Variants in MSRA observed in about 807,000 individuals in gnomAD.
MSRA encodes the protein mitochondrial peptide methionine sulfoxide reductase.
Under a neutral mutation model 31.3 loss-of-function variants are expected in MSRA, and 54 were observed. The ratio of observed to expected loss-of-function variants is 1.73; its 90% CI spans 1.39 to 2.17. The LOEUF (loss-of-function observed/expected upper bound fraction) is 2.17. MSRA is among the 30% of genes most tolerant of loss of function. MSRA has a pLI of 0.00. For missense variants in MSRA, 507 were observed against 300.9 expected, an observed-to-expected ratio of 1.69 and a Z score of -5.07; for synonymous variants, 169 against 116.5, an observed-to-expected ratio of 1.45 and a Z score of -2.90.
intron 2 of MSRA, among the ~76,000 whole-genome samples, chr8:10,212,641 G>C (rs965742869): frequency 2.0e-5 from 3 of 152,180 alleles, no homozygotes; most frequent in Non-Finnish European, 4.4e-5. Flanking sequence ...TGAGGGAATT[G>C]ATCTGATTTT....
chr8:10,283,868 C>CACACACACACACACAT (rs1479551088), intron 3 of MSRA, among the ~76,000 whole-genome samples: 2 of 132,062 alleles, frequency 1.5e-5, no homozygotes, highest in Admixed American at 1.6e-4. Context: ...CACACACACA[C>CACACACACACACACAT]ATATATATTA....
At chr8:10,250,482 C>G (rs968009521) in intron 3 of MSRA, 4 of 702,140 alleles carry the variant, frequency 5.7e-6, no homozygotes, top group Admixed American at 2.0e-5. Context: ...ATCTGCACAG[C>G]CAAGTGGCAC....
intron 5 of MSRA, among the ~76,000 whole-genome samples, chr8:10,393,850 T>G (rs1806920562): frequency 1.3e-5 from 2 of 152,224 alleles, no homozygotes; most frequent in Non-Finnish European, 2.9e-5. Context: ...ACCTACATGG[T>G]CACTATTCAG....
intron 1 of MSRA, among the ~76,000 whole-genome samples, chr8:10,088,867 G>A (rs913698491): frequency 9.9e-5 from 15 of 152,210 alleles, no homozygotes; most frequent in African/African-American, 3.6e-4. Flanking sequence ...TATGCTAAGT[G>A]AAATGTGCAG....
intron 1 of MSRA, among the ~76,000 whole-genome samples, chr8:10,109,332 C>T (rs184966582): frequency 6.7e-6 from 1 of 148,784 alleles, no homozygotes; most frequent in Non-Finnish European, 1.5e-5. Flanking sequence ...TTTTACTTTT[C>T]TTTTCTTTTC....
At chr8:10,058,289 A>C (rs1802507915) in intron 1 of MSRA, among the ~76,000 whole-genome samples, 1 of 152,230 alleles carries the variant, frequency 6.6e-6, no homozygotes. Context: ...TTTGTAAACA[A>C]TGAGGTAGTC....
intron 2 of MSRA, among the ~76,000 whole-genome samples, chr8:10,239,882 C>A (rs967996818): frequency 7.0e-6 from 1 of 142,854 alleles, no homozygotes; most frequent in Admixed American, 7.0e-5. Flanking sequence ...GATTCAGTGT[C>A]CTGGAGTCCG....
intron 5 of MSRA, among the ~76,000 whole-genome samples, chr8:10,402,719 T>A (rs947451065): frequency 6.6e-6 from 1 of 152,216 alleles, no homozygotes. Flanking sequence ...GAAGGTTTAG[T>A]TGCAGATGGC....
chr8:10,288,422 C>T (rs1404696936), intron 3 of MSRA, among the ~76,000 whole-genome samples: 1 of 152,182 alleles, frequency 6.6e-6, no homozygotes, highest in Non-Finnish European at 1.5e-5. Context: ...TGGTTTGGTG[C>T]TGTGCAGATA....
At chr8:10,296,902 C>T (rs1800574330) in intron 3 of MSRA, among the ~76,000 whole-genome samples, 1 of 152,208 alleles carries the variant, frequency 6.6e-6, no homozygotes, top group Non-Finnish European at 1.5e-5. Flanking sequence ...CACCACAGCT[C>T]ACCGGCTCTC....
chr8:10,406,713 C>G (rs2129186515), intron 5 of MSRA, among the ~76,000 whole-genome samples: 1 of 152,338 alleles, frequency 6.6e-6, no homozygotes, highest in East Asian at 1.9e-4. Flanking sequence ...ATCTCCCCTG[C>G]TCTGTGCTTG....
chr8:10,136,310 G>T (rs1449107822), intron 1 of MSRA, among the ~76,000 whole-genome samples: 1 of 152,094 alleles, frequency 6.6e-6, no homozygotes, highest in Non-Finnish European at 1.5e-5. Context: ...CGGACTTCTG[G>T]GGAGAAAGGG....
At chr8:10,317,220 C>G (rs543061817) in intron 4 of MSRA, among the ~76,000 whole-genome samples, 61 of 152,290 alleles carry the variant, frequency 4.0e-4, no homozygotes, top group African/African-American at 1.4e-3. Flanking sequence ...CAGCCGGTAA[C>G]TCCTGGGACC....
chr8:10,317,627 C>A (rs7835507), intron 4 of MSRA, among the ~76,000 whole-genome samples: 23,605 of 152,166 alleles, frequency 0.16, 2,226 homozygotes, highest in African/African-American at 0.26. Flanking sequence ...ACTATGGAAG[C>A]ATTTTAAGCA....
At chr8:10,390,755 G>C (rs751069003) in intron 5 of MSRA, among the ~76,000 whole-genome samples, 17 of 152,108 alleles carry the variant, frequency 1.1e-4, no homozygotes, top group Non-Finnish European at 2.4e-4. Context: ...CAAAGGCGAA[G>C]ACATTAAGGA....
intron 1 of MSRA, among the ~76,000 whole-genome samples, chr8:10,188,918 G>T (rs917703217): frequency 4.6e-5 from 7 of 152,152 alleles, no homozygotes; most frequent in Admixed American, 1.3e-4. Context: ...CCTTTCTGAG[G>T]TTTCCATCAG....
In MSRA at chr8:10,373,721, G is replaced by A. The variant is rs141060529; in HGVS notation, c.543+53732G>A. On this transcript the variant is annotated intron_variant, in intron 5 of 5. Coordinates refer to ENST00000317173, the MANE Select transcript of MSRA (RefSeq NM_012331.5). Reference sequence around the variant, plus strand: ...GGGGCAACACCAGGAGTGAGGGCACGTGCCGGGGGGCTGGGGAGATCAAGT... The same window carrying A: ...GGGGCAACACCAGGAGTGAGGGCACATGCCGGGGGGCTGGGGAGATCAAGT... Among the ~76,000 whole-genome samples, 533 of 152,358 alleles carry A rather than the reference G, an allele frequency of 3.5e-3. 5 individuals are homozygous for A. The highest frequency in any genetic ancestry group is 3.5e-3 in the Non-Finnish European group (239 of 68,028).
intron 2 of MSRA, among the ~76,000 whole-genome samples, chr8:10,242,690 G>A (rs988152404): frequency 6.6e-6 from 1 of 152,044 alleles, no homozygotes; most frequent in South Asian, 2.1e-4. Flanking sequence ...GAGTAATTTT[G>A]CTATAAATAA....
chr8:10,190,810 T>C (rs1425035213), intron 1 of MSRA, among the ~76,000 whole-genome samples: 1 of 152,190 alleles, frequency 6.6e-6, no homozygotes, highest in African/African-American at 2.4e-5. Context: ...GACATTGCTA[T>C]GTGTTCAACT....
Sources: allele counts gnomAD v4.1 joint callset (sites outside exome capture counted in the v4.1 genomes callset), GRCh38; gene constraint gnomAD v4.1.1; transcripts MANE v1.5; gene names NCBI Gene and HGNC (gene_info 2026-07-23, HGNC 2026-07-21).